TTC34: variants seen among roughly 807,000 people sequenced by gnomAD.
TTC34 encodes the protein tetratricopeptide repeat protein 34.
TTC34 carries 44 observed loss-of-function variants against 40.7 expected under a neutral mutation model. The ratio of observed to expected loss-of-function variants is 1.08; its 90% confidence interval spans 0.85 to 1.39. The LOEUF (loss-of-function observed/expected upper bound fraction) is 1.39, where lower values mean the gene tolerates loss of function less well. Among genes scored for constraint, TTC34 ranks in the 40% most tolerant of loss-of-function variants. The pLI, the probability that TTC34 is intolerant of heterozygous loss-of-function variation, is 0.00. For missense variants in TTC34, 884 were observed against 838.0 expected, an observed-to-expected ratio of 1.05 and a Z score of -0.68; for synonymous variants, 422 against 398.6, an observed-to-expected ratio of 1.06 and a Z score of -0.70.
chr1:2,656,373 C>CA, intron 6 of TTC34, among the ~76,000 whole-genome samples: 1 of 1,790 alleles, frequency 5.6e-4, no homozygotes, highest in African/African-American at 1.8e-3. Flanking sequence ...ACAGCACCCA[C>CA]ACCCACAGGT....
At chr1:2,794,652 G>A (rs753166938) in intron 2 of TTC34, among the ~76,000 whole-genome samples, 1 of 152,136 alleles carries the variant, frequency 6.6e-6, no homozygotes, top group Non-Finnish European at 1.5e-5. Context: ...GAGTAACTGG[G>A]AGAGTGCACA....
At chr1:2,684,512 C>G (rs1366280678) in intron 6 of TTC34, among the ~76,000 whole-genome samples, 1 of 148,522 alleles carries the variant, frequency 6.7e-6, no homozygotes, top group African/African-American at 2.6e-5. Flanking sequence ...GAACGGCACC[C>G]ACACCCCCAG....
intron 6 of TTC34, among the ~76,000 whole-genome samples, chr1:2,674,776 C>T (rs1280378260): frequency 4.1e-5 from 2 of 48,872 alleles, no homozygotes; most frequent in African/African-American, 6.5e-5. Context: ...GGCGAGCATC[C>T]GATGACCTGG....
intron 6 of TTC34, among the ~76,000 whole-genome samples, chr1:2,755,758 C>A (rs1228086334): frequency 1.6e-5 from 2 of 126,632 alleles, no homozygotes; most frequent in Non-Finnish European, 1.6e-5. Context: ...AGGCGAGCAT[C>A]TGACAGCCTG....
rs758505892 is a variant in TTC34 at position 2,645,558 on chromosome 1, G to A, written c.2232C>T (p.Ala744=). The A allele has an allele frequency of 1.9e-5, 23 of 1,217,344 alleles. No individual in the cohort carries two copies. In the East Asian group the frequency reaches 2.1e-4, roughly 11 times the overall value. 75.4% of individuals were successfully genotyped at this position (1,217,344 alleles called of 1,614,324 possible). A position where few individuals can be genotyped will look rare whatever the true frequency, so the allele number is the denominator to read the frequency against. The change falls in exon 7 of 9, where the codon GCC becomes GCT. Residue 744 remains alanine, a synonymous_variant. Coordinates refer to ENST00000401095, the Ensembl canonical transcript of TTC34. This position sits in a 1 kb window ranked among gnomAD's most constrained non-coding sequence, Gnocchi z 4.7. ...TCAGAGCAGAGACGATGTCGTCCACGGCTTCCTGCAAGGAGGGAGGGCGGG... is the reference window on the plus strand; with the variant it reads ...TCAGAGCAGAGACGATGTCGTCCACAGCTTCCTGCAAGGAGGGAGGGCGGG...
rs1206348249 is a variant in TTC34, at chr1:2,751,822, T to A, written c.2226+31787A>T. 3.0e-3 allele frequency among the ~76,000 whole-genome samples: 286 copies of A among 95,962 alleles called. 30 individuals are homozygous for A. Among genetic ancestry groups the A allele is most frequent in the Non-Finnish European group, 5.7e-4 (30 of 52,966 alleles). The allele number at this position is 95,962 out of a possible 152,430, so 63.0% of individuals were successfully genotyped here. A position where few individuals can be genotyped will look rare whatever the true frequency, so the allele number is the denominator to read the frequency against. On this transcript the variant is annotated intron_variant, in intron 6 of 8. Coordinates refer to ENST00000401095, the Ensembl canonical transcript of TTC34. ...CAGCAGCCACATCCCCAGGTGAGAA[T>A]CTGACAGCCTGGAACAGCACCCTGC...
rs1311070815 is a variant in TTC34, at chr1:2,691,889, G to C, written c.2227-46326C>G. Among the ~76,000 whole-genome samples the C allele has an allele frequency of 1.1e-4, 7 of 61,012 alleles. 2 individuals are homozygous for C. The highest frequency in any genetic ancestry group is 3.4e-4 in the African/African-American group (7 of 20,622). The allele number at this position is 61,012 out of a possible 152,430, so 40.0% of individuals were successfully genotyped here. On this transcript the variant is annotated intron_variant, in intron 6 of 8. Transcript: ENST00000401095. ...CCAGAGGTGAGCATCCGACAGCCAGGAGCAGCAACCTGCACACCCAGGTGA... is the reference window on the plus strand; with the variant it reads ...CCAGAGGTGAGCATCCGACAGCCAGCAGCAGCAACCTGCACACCCAGGTGA...
At position 2,796,583 on chromosome 1, in the gene TTC34, T is replaced by C. The variant is rs1415951015; in HGVS notation, c.784+3461A>G. 6.6e-6 allele frequency among the ~76,000 whole-genome samples: 1 copy of C among 152,086 alleles called. No individual in the cohort carries two copies. The highest frequency in any genetic ancestry group is 1.9e-4 in the East Asian group (1 of 5,162). ...CAACACTTGGGGGGTTCTGGATTTC[T>C]GCAGAGAGCTTTAGTGTGACCCCCA... On this transcript the variant is annotated intron_variant, in intron 2 of 8. Transcript: ENST00000401095. The surrounding 1 kb of genome is among the most constrained non-coding windows in gnomAD (Gnocchi z 4.5).
intron 4 of TTC34, among the ~76,000 whole-genome samples, chr1:2,786,765 C>G (rs976368843): frequency 6.6e-6 from 1 of 152,310 alleles, no homozygotes; most frequent in African/African-American, 2.4e-5. Flanking sequence ...CCACAACGTC[C>G]CCTCTCCGCG....
At chr1:2,683,775 G>C (rs868122527) in intron 6 of TTC34, among the ~76,000 whole-genome samples, 180 of 23,526 alleles carry the variant, frequency 7.7e-3, no homozygotes, top group Middle Eastern at 0.037. Context: ...CATCTGACAG[G>C]CTGGAGCAGC....
At chr1:2,800,377 C>T (rs1347645256) in exon 2 of TTC34, 6 of 398,516 alleles carry the variant, frequency 1.5e-5, no homozygotes, top group East Asian at 7.1e-5. Flanking sequence ...GCCTGCACCC[C>T]GGACAGGACC....
chr1:2,755,944 C>T lies in TTC34; in HGVS notation c.2226+27665G>A, dbSNP rs1269022931. On this transcript the variant is annotated intron_variant, in intron 6 of 8. Coordinates refer to ENST00000401095, the Ensembl canonical transcript of TTC34. ...TGACAGCCTGGAGCAGCACCCTGCA[C>T]CCCCAGGTGAGGATCTGACAGCCTG... Among the ~76,000 whole-genome samples the T allele has an allele frequency of 1.7e-4, 12 of 72,720 alleles. 2 individuals are homozygous for T. Among genetic ancestry groups the T allele is most frequent in the East Asian group, 4.5e-4 (1 of 2,212 alleles). 47.7% of individuals were successfully genotyped at this position (72,720 alleles called of 152,430 possible).
intron 2 of TTC34, among the ~76,000 whole-genome samples, chr1:2,797,419 G>T (rs1309333798): frequency 6.6e-6 from 1 of 152,106 alleles, no homozygotes; most frequent in Non-Finnish European, 1.5e-5. Context: ...TGCCTCTGTC[G>T]GGAGCCTTGA....
At chr1:2,646,465 A>G (rs1639023560) in intron 6 of TTC34, among the ~76,000 whole-genome samples, 1 of 152,126 alleles carries the variant, frequency 6.6e-6, no homozygotes, top group African/African-American at 2.4e-5. Context: ...GTTCACTGCA[A>G]CCTTGAGCTC....
At chr1:2,748,484 C>A (rs1641217722) in intron 6 of TTC34, among the ~76,000 whole-genome samples, 18 of 150,034 alleles carry the variant, frequency 1.2e-4, no homozygotes, top group African/African-American at 2.7e-4. Flanking sequence ...CCCACATCCC[C>A]GGGTGAGCAT....
chr1:2,783,464 G>T, intron 6 of TTC34, 145 bp downstream of exon 6: 1 of 820,782 alleles, frequency 1.2e-6, no homozygotes, highest in Non-Finnish European at 1.7e-6. Flanking sequence ...CGCTGTACAG[G>T]TGGGGATGGG....
chr1:2,695,672 A>G (rs1281028209), intron 6 of TTC34, among the ~76,000 whole-genome samples: 6 of 145,272 alleles, frequency 4.1e-5, no homozygotes, highest in African/African-American at 1.0e-4. Flanking sequence ...AACAGCACCC[A>G]CACCCCCAGG....
chr1:2,758,799 C>T (rs1641594957), intron 6 of TTC34, among the ~76,000 whole-genome samples: 19 of 42,014 alleles, frequency 4.5e-4, no homozygotes, highest in Non-Finnish European at 6.2e-4. Context: ...CACCCACACT[C>T]CAGGTGAGCA....
Position 2,681,625 on chromosome 1 carries a change from C to A in TTC34, c.2227-36062G>T, listed in dbSNP as rs1160156762. The stretch of plus-strand genomic sequence containing the variant: ...CAGACAGCCTGGAACCGCAGCCACA[C>A]CCCCAGCGAGCACCTGACAGCCTGG... On this transcript the variant is annotated intron_variant, in intron 6 of 8. Transcript: ENST00000401095. 3.9e-5 allele frequency among the ~76,000 whole-genome samples: 3 copies of A among 76,032 alleles called. 1 individual carries two copies. In the South Asian group the frequency reaches 1.2e-3, roughly 30 times the overall value. 49.9% of individuals were successfully genotyped at this position (76,032 alleles called of 152,430 possible).
Sources: allele counts gnomAD v4.1 joint callset (sites outside exome capture counted in the v4.1 genomes callset), GRCh38; gene constraint gnomAD v4.1.1; non-coding constraint Gnocchi (gnomAD v3.1); transcripts MANE v1.5; gene names NCBI Gene and HGNC (gene_info 2026-07-23, HGNC 2026-07-21).